L3MBTL1: variants seen among roughly 807,000 people sequenced by gnomAD.
L3MBTL1 encodes L3MBTL histone methyl-lysine binding protein 1.
L3MBTL1 carries 75 observed loss-of-function variants against 105.3 expected under a neutral mutation model. The observed-to-expected ratio is 0.71, with a 90% confidence interval of 0.59 to 0.86. The LOEUF (loss-of-function observed/expected upper bound fraction) is 0.86. L3MBTL1 is among the 40% of genes least tolerant of loss of function. The probability of loss-of-function intolerance (pLI) is 0.00; values close to 1 mark genes in which losing one functional copy is unlikely to be tolerated. For missense variants in L3MBTL1, 1,069 were observed against 1,126.4 expected (o/e 0.95, Z 0.73); for synonymous variants, 452 against 436.2 (o/e 1.04, Z -0.45).
downstream of L3MBTL1, among the ~76,000 whole-genome samples, chr20:43,542,843 G>A (rs1403033470): frequency 6.6e-6 from 1 of 152,062 alleles, no homozygotes; most frequent in Non-Finnish European, 1.5e-5. Flanking sequence ...GCTTCTCCAC[G>A]TTGTTATCTG....
chr20:43,519,983 A>T (rs988082399), intron 7 of L3MBTL1, among the ~76,000 whole-genome samples: 1 of 152,168 alleles, frequency 6.6e-6, no homozygotes, highest in Non-Finnish European at 1.5e-5. Context: ...TGTACAATTC[A>T]GTGGGGTTTT....
chr20:43,548,098 C>T (rs1465297414), intron 18 of L3MBTL1: 9 of 1,303,646 alleles, frequency 6.9e-6, no homozygotes, highest in South Asian at 3.7e-5. Flanking sequence ...ACCTCCCTCC[C>T]GCAACCCCTC....
intron 7 of L3MBTL1, among the ~76,000 whole-genome samples, chr20:43,525,753 G>A (rs920589751): frequency 3.9e-5 from 6 of 151,964 alleles, no homozygotes; most frequent in Admixed American, 3.3e-4. Context: ...GTCCTCACCC[G>A]TGAAAGGGGT....
At chr20:43,550,573 G>A (rs1023943029) in exon 19 of L3MBTL1, 1 of 152,242 alleles carries the variant, frequency 6.6e-6, no homozygotes, top group Non-Finnish European at 1.5e-5. Flanking sequence ...AGAGAGGGGA[G>A]GGAGTTGGCA....
intron 16 of L3MBTL1, 90 bp from the exon 17 acceptor site, chr20:43,535,747 C>T (rs1173139663): frequency 2.5e-6 from 2 of 791,154 alleles, no homozygotes; most frequent in East Asian, 5.0e-5. Flanking sequence ...GTTTCTAGTG[C>T]TGATCTCCCC....
chr20:43,530,425 G>A lies in L3MBTL1; in HGVS notation c.1192+6G>A. The A allele has an allele frequency of 6.2e-7, 1 of 1,613,500 alleles. No homozygotes were observed. Among genetic ancestry groups the A allele is most frequent in the South Asian group, 1.1e-5 (1 of 91,036 alleles). ...CAAGCTGCAGCCTCCCAAAGGTAAG[G>A]CCTAGCTGGGTTGGTCACAGTGAGG... On this transcript the variant is annotated splice_donor_region_variant and intron_variant, in intron 10 of 21. Coordinates refer to ENST00000418998, the MANE Select transcript of L3MBTL1 (RefSeq NM_001377303.1).
Position 43,515,474 on chromosome 20 carries a change from C to G in L3MBTL1, c.777+59C>G. 2.6e-6 allele frequency: 4 copies of G among 1,519,654 alleles called. No homozygotes were observed. The East Asian group carries it at 9.9e-5, about 38-fold the overall frequency. The allele number at this position is 1,519,654 out of a possible 1,614,324, so 94.1% of individuals were successfully genotyped here. On this transcript the variant is annotated intron_variant, in intron 6 of 21. Transcript: ENST00000418998. Reference sequence around the variant, plus strand: ...GCTATAGCCTATGCCTCAATTCCCACTGTCCCCTCCATCAATCCAGATTAT... The same window carrying G: ...GCTATAGCCTATGCCTCAATTCCCAGTGTCCCCTCCATCAATCCAGATTAT...
chr20:43,532,798 T>C lies in L3MBTL1; in HGVS notation c.1310T>C (p.Val437Ala), dbSNP rs1188703328. 1 of 1,614,144 alleles carries C rather than the reference T, an allele frequency of 6.2e-7. No homozygotes were observed. Among genetic ancestry groups the C allele is most frequent in the Non-Finnish European group, 8.5e-7 (1 of 1,180,008 alleles). The change falls in exon 12 of 22, where the codon GTG (valine) becomes GCG (alanine). Residue 437 changes from valine to alanine, a missense_variant. Coordinates refer to ENST00000418998, the MANE Select transcript of L3MBTL1 (RefSeq NM_001377303.1). ...AGTCCCCCACCCCTGGGCTTCCAGG[T>C]GGGCATGAAGCTGGAGGCTGTTGAC... is the stretch of plus-strand genomic sequence containing the variant. Reference protein sequence around the residue: ...SHSPPPLGFQVGMKLEAVDRM... With the variant: ...SHSPPPLGFQAGMKLEAVDRM...
rs879041298 is a variant in L3MBTL1, at chr20:43,532,766, C to T, written c.1285-7C>T. On this transcript the variant is annotated splice_region_variant and splice_polypyrimidine_tract_variant and intron_variant, in intron 11 of 21. Transcript: ENST00000418998. ...CCTGGCCGTGGCAGCTCCTTTTTTT[C>T]CCCTAGAGTCCCCCACCCCTGGGCT... 8 of 1,613,598 alleles carry T rather than the reference C, an allele frequency of 5.0e-6. No homozygotes were observed. The East Asian group carries it at 6.7e-5, about 13-fold the overall frequency.
At position 43,535,855 on chromosome 20, in the gene L3MBTL1, C is replaced by G; in HGVS notation, c.1844C>G (p.Ser615Cys). The change falls in exon 17 of 22, where the codon TCT becomes TGT. Residue 615 changes from serine to cysteine, a missense_variant. By Grantham distance (112) the Ser-to-Cys change is moderately radical (BLOSUM62 -1). Transcript: ENST00000418998. ...CTTTTAGGACCCAGAGAGCCCAGCT[C>G]TGCCTCCCCTGGGGGCTGTCCCCCT... Reference protein sequence around the residue: ...QPPLGPREPSSASPGGCPPLS... With the variant: ...QPPLGPREPSCASPGGCPPLS... 1 of 1,601,858 alleles carries G rather than the reference C, an allele frequency of 6.2e-7. No homozygotes were observed. The highest frequency in any genetic ancestry group is 8.5e-7 in the Non-Finnish European group (1 of 1,174,600).
At chr20:43,538,305 G>T (rs1488428086) in intron 19 of L3MBTL1, among the ~76,000 whole-genome samples, 1 of 152,184 alleles carries the variant, frequency 6.6e-6, no homozygotes, top group African/African-American at 2.4e-5. Flanking sequence ...CCAGAATTAG[G>T]CTGTAGAATT....
At chr20:43,545,949 T>C (rs1311274116), downstream of L3MBTL1, among the ~76,000 whole-genome samples, 1 of 152,260 alleles carries the variant, frequency 6.6e-6, no homozygotes, top group Non-Finnish European at 1.5e-5. Context: ...ACAGTCCTGT[T>C]GTCGCCACAC....
chr20:43,515,371 G>C lies in L3MBTL1; in HGVS notation c.733G>C (p.Glu245Gln). The change falls in exon 6 of 22, where the codon GAA (glutamate) becomes CAA (glutamine). Residue 245 changes from glutamate to glutamine, a missense_variant. Coordinates refer to ENST00000418998, the MANE Select transcript of L3MBTL1 (RefSeq NM_001377303.1). ...ACCCATGAAGAAGAGGAAGCGCAGGGAATACCAGAGCCCATCAGAGGAGGA... is the reference window on the plus strand; with the variant it reads ...ACCCATGAAGAAGAGGAAGCGCAGGCAATACCAGAGCCCATCAGAGGAGGA... ...LKPMKKRKRR[E>Q]YQSPSEEESE... 3.8e-6 allele frequency: 6 copies of C among 1,562,064 alleles called. No individual in the cohort carries two copies. The highest frequency in any genetic ancestry group is 5.2e-6 in the Non-Finnish European group (6 of 1,152,140).
rs1276441946 is a variant in L3MBTL1, at chr20:43,515,175, C to T, written c.653+16C>T. 4 of 1,613,958 alleles carry T rather than the reference C, an allele frequency of 2.5e-6. No individual in the cohort carries two copies. The highest frequency in any genetic ancestry group is 3.3e-5 in the Admixed American group (2 of 59,994). On this transcript the variant is annotated intron_variant, in intron 5 of 21. Transcript: ENST00000418998. ...TCCAGGAGCGGTAAGGGGAGGAGGT[C>T]GCAGCCCTACTTGCTCTACCTTCAG... is the stretch of plus-strand genomic sequence containing the variant.
At chr20:43,511,992 G>A (rs2018147288) in intron 1 of L3MBTL1, among the ~76,000 whole-genome samples, 1 of 152,052 alleles carries the variant, frequency 6.6e-6, no homozygotes, top group African/African-American at 2.4e-5. Context: ...AGAGAACAGG[G>A]GAAGAGTGGT....
intron 7 of L3MBTL1, among the ~76,000 whole-genome samples, chr20:43,517,227 T>C (rs113179448): frequency 0.011 from 1,647 of 151,958 alleles, 42 homozygotes; most frequent in African/African-American, 0.036. Flanking sequence ...GTCTCCTGAG[T>C]AGCTGGGACT....
At chr20:43,544,555 C>T (rs1333667015), downstream of L3MBTL1, among the ~76,000 whole-genome samples, 1 of 152,180 alleles carries the variant, frequency 6.6e-6, no homozygotes, top group African/African-American at 2.4e-5. Flanking sequence ...TGCCAGACCA[C>T]AGACTCTGGC....
At chr20:43,530,668 C>A in intron 10 of L3MBTL1, 130 bp from the exon 11 acceptor site, 1 of 897,084 alleles carries the variant, frequency 1.1e-6, no homozygotes, top group Non-Finnish European at 1.8e-6. Context: ...AGTGGGGAAT[C>A]CCTGGGCAAG....
intron 6 of L3MBTL1, 137 bp from the exon 7 acceptor site, chr20:43,515,956 G>A: frequency 1.6e-6 from 1 of 635,152 alleles, no homozygotes; most frequent in Non-Finnish European, 2.8e-6. Flanking sequence ...ACTCCTGCTG[G>A]CGGCCTAGAA....
Sources: allele counts gnomAD v4.1 joint callset (sites outside exome capture counted in the v4.1 genomes callset), GRCh38; gene constraint gnomAD v4.1.1; transcripts MANE v1.5; gene names NCBI Gene and HGNC (gene_info 2026-07-23, HGNC 2026-07-21).